The following CFDP1 variants were observed in gnomAD, a reference collection of about 807,000 sequenced individuals.
The protein encoded by CFDP1 is chromatin remodeling protein CFDP1.
In CFDP1, 31 loss-of-function variants were observed where a neutral mutation model predicts 40.1. That is an observed-to-expected ratio of 0.77 (90% CI 0.58 to 1.04). The LOEUF is 1.04. Among genes scored for constraint, CFDP1 ranks in the 50% least tolerant of loss-of-function variants. The probability of loss-of-function intolerance (pLI) is 0.00; values close to 1 mark genes in which losing one functional copy is unlikely to be tolerated. For synonymous variants in CFDP1, 167 were observed against 120.0 expected (o/e 1.39, Z -2.56); for missense variants, 423 against 343.4 (o/e 1.23, Z -1.83).
At chr16:75,311,613 C>G (rs2078292992) in intron 5 of CFDP1, among the ~76,000 whole-genome samples, 1 of 152,172 alleles carries the variant, frequency 6.6e-6, no homozygotes, top group South Asian at 2.1e-4. Flanking sequence ...TTAATCCAAA[C>G]TTCAACACGT....
intron 5 of CFDP1, among the ~76,000 whole-genome samples, chr16:75,309,059 T>A (rs2078276483): frequency 6.6e-6 from 1 of 152,130 alleles, no homozygotes; most frequent in South Asian, 2.1e-4. Flanking sequence ...TGAGGCTAAA[T>A]CAAAGTGAAT....
chr16:75,339,684 T>A (rs886367760), intron 5 of CFDP1, among the ~76,000 whole-genome samples: 4 of 152,224 alleles, frequency 2.6e-5, no homozygotes, highest in African/African-American at 7.2e-5. Context: ...CTCAGATTTC[T>A]AGACTTCTCA....
chr16:75,314,538 T>C (rs1475721067), intron 5 of CFDP1, among the ~76,000 whole-genome samples: 1 of 152,182 alleles, frequency 6.6e-6, no homozygotes, highest in Admixed American at 6.5e-5. Flanking sequence ...GGGTTTCTTT[T>C]TGGAGTAATG....
intron 6 of CFDP1, among the ~76,000 whole-genome samples, chr16:75,301,536 C>CTTTTTTTTTTTTTTTTTTTTTTTTTTT (rs546724752): frequency 1.9e-5 from 1 of 53,966 alleles, no homozygotes; most frequent in Admixed American, 3.2e-4. Flanking sequence ...TTTGTTGTGT[C>CTTTTTTTTTTTTTTTTTTTTTTTTTTT]TTTTTTTTTT....
At chr16:75,327,160 G>A (rs1257789961) in intron 5 of CFDP1, among the ~76,000 whole-genome samples, 2 of 152,122 alleles carry the variant, frequency 1.3e-5, no homozygotes, top group Non-Finnish European at 2.9e-5. Context: ...CCAGCTATTC[G>A]GGAGGCTGAG....
intron 5 of CFDP1, among the ~76,000 whole-genome samples, chr16:75,374,661 A>AC (rs964560463): frequency 1.7e-4 from 26 of 152,224 alleles, no homozygotes; most frequent in African/African-American, 5.8e-4. Flanking sequence ...TTAAAAAAAA[A>AC]ACACACAGAA....
chr16:75,375,039 T>C (rs183490519), intron 5 of CFDP1, among the ~76,000 whole-genome samples: 195 of 138,460 alleles, frequency 1.4e-3, no homozygotes, highest in Admixed American at 3.0e-3. Context: ...AACACGCATA[T>C]ATTGCTTCTA....
At chr16:75,344,218 G>C (rs140752066) in intron 5 of CFDP1, among the ~76,000 whole-genome samples, 94 of 152,338 alleles carry the variant, frequency 6.2e-4, no homozygotes, top group African/African-American at 2.0e-3. Context: ...ACAAGGCTTT[G>C]AGGGACTATG....
At chr16:75,314,783 G>A (rs1178242348) in intron 5 of CFDP1, among the ~76,000 whole-genome samples, 1 of 152,012 alleles carries the variant, frequency 6.6e-6, no homozygotes, top group East Asian at 1.9e-4. Context: ...ACCAAGTCTC[G>A]CTCTGTCACC....
intron 1 of CFDP1, among the ~76,000 whole-genome samples, chr16:75,423,401 T>G (rs1055613532): frequency 1.3e-5 from 2 of 151,724 alleles, no homozygotes; most frequent in Non-Finnish European, 2.9e-5. Context: ...GTGAGCTGAT[T>G]GCGCCACTGC....
At chr16:75,379,867 G>A (rs1473208398) in intron 5 of CFDP1, 1 of 152,164 alleles carries the variant, frequency 6.6e-6, no homozygotes, top group Non-Finnish European at 1.5e-5. Context: ...GCTGGGCGTA[G>A]TGGCTCATGC....
chr16:75,372,211 A>C (rs2078757404), intron 5 of CFDP1: 1 of 152,222 alleles, frequency 6.6e-6, no homozygotes, highest in African/African-American at 2.4e-5. Context: ...TAATAGCTAT[A>C]AGAAGGGTTT....
intron 1 of CFDP1, among the ~76,000 whole-genome samples, chr16:75,415,174 T>A (rs1322935213): frequency 6.6e-6 from 1 of 152,130 alleles, no homozygotes; most frequent in Non-Finnish European, 1.5e-5. Flanking sequence ...AAAGGAAACC[T>A]AAAGACTTCC....
intron 6 of CFDP1, among the ~76,000 whole-genome samples, chr16:75,303,503 A>ACCC (rs36137262): frequency 0.37 from 47,444 of 126,530 alleles, 10,917 homozygotes; most frequent in Non-Finnish European, 0.49. Context: ...TAGAAATATG[A>ACCC]CCCCCCCCAA....
chr16:75,324,222 A>C (rs1422283022), intron 5 of CFDP1, among the ~76,000 whole-genome samples: 1 of 151,306 alleles, frequency 6.6e-6, no homozygotes, highest in East Asian at 1.9e-4. Context: ...AGCTATAGAG[A>C]GGGTGGGGGA....
chr16:75,364,136 A>AAAC (rs201334572), intron 5 of CFDP1, among the ~76,000 whole-genome samples: 12 of 38,012 alleles, frequency 3.2e-4, no homozygotes, highest in Admixed American at 9.5e-4. Flanking sequence ...AAAACAAAAC[A>AAAC]AAACAAACAA....
intron 5 of CFDP1, among the ~76,000 whole-genome samples, chr16:75,315,477 C>G (rs893619054): frequency 3.3e-5 from 5 of 151,400 alleles, no homozygotes; most frequent in African/African-American, 4.9e-5. Context: ...GTTTTTGTAA[C>G]CTTAAGGTGG....
At chr16:75,347,108 G>C (rs1209838325) in intron 5 of CFDP1, among the ~76,000 whole-genome samples, 1 of 152,042 alleles carries the variant, frequency 6.6e-6, no homozygotes, top group Non-Finnish European at 1.5e-5. Context: ...CACTTTGGGA[G>C]GCTGAGGTGG....
chr16:75,305,044 G>T lies in CFDP1; in HGVS notation c.789C>A (p.Ile263=), dbSNP rs1222036536. 2.5e-6 allele frequency: 4 copies of T among 1,613,798 alleles called. No homozygotes were observed. In the African/African-American group the frequency reaches 5.3e-5, roughly 22 times the overall value. Residue 263 remains isoleucine (I), a synonymous_variant, in exon 6 of 7, where the codon ATC becomes ATA. Coordinates refer to ENST00000283882, the MANE Select transcript of CFDP1 (RefSeq NM_006324.3). The part of the protein sequence containing the change: ...EEEGIGEELA[I]HNRGKEGYIE... ...CTTACCCCTCTTTCCCTCGATTATG[G>T]ATGGCCAGTTCTTCACCAATCCCCT...
Sources: allele counts gnomAD v4.1 joint callset (sites outside exome capture counted in the v4.1 genomes callset), GRCh38; gene constraint gnomAD v4.1.1; transcripts MANE v1.5; gene names NCBI Gene and HGNC (gene_info 2026-07-23, HGNC 2026-07-21).